Variants in TAAR9 observed in about 807,000 individuals in gnomAD.
TAAR9 encodes the protein trace amine associated receptor 9, also known as trace amine-associated receptor 9.
For synonymous variants in TAAR9, 162 were observed against 152.6 expected (o/e 1.06, Z -0.45); for missense variants, 453 against 409.4 (o/e 1.11, Z -0.92).
At chr6:132,538,566 T>G in exon 1 of TAAR9, 1 of 1,599,440 alleles carries the variant, frequency 6.3e-7, no homozygotes, top group Non-Finnish European at 8.5e-7. Flanking sequence ...CACAGTGAGG[T>G]CTGTGGAGAG....
rs1776253697 is a variant in TAAR9 at position 132,538,657 on chromosome 6, T to A, written c.368T>A (p.Leu123Ter). ...TTCTGTTTTGCTTCTTTATTTCATT[T>A]ATGCTGTATCTCTGTTGATAGATAC... Residue 123 changes from leucine to a stop codon, truncating the protein, a stop_gained, in exon 1 of 1, where the codon TTA becomes TAA. Coordinates refer to ENST00000434551, the Ensembl canonical transcript of TAAR9. LOFTEE classifies it low-confidence loss of function (END_TRUNC). 1 of 1,604,460 alleles carries A rather than the reference T, an allele frequency of 6.2e-7. No homozygotes were observed. Among genetic ancestry groups the A allele is most frequent in the Non-Finnish European group, 8.5e-7 (1 of 1,175,724 alleles).
rs982491118 is a variant in TAAR9, at chr6:132,539,123, A to G, written c.834A>G (p.Ala278=). The change falls in exon 1 of 1, where the codon GCA becomes GCG. Residue 278 remains alanine, a synonymous_variant. Coordinates refer to ENST00000434551, the Ensembl canonical transcript of TAAR9. ...CTTGGCTACCATACCTCGTTGATGC[A>G]GTGATTGATGCTTATATGAATTTTA... 7.0e-6 allele frequency: 11 copies of G among 1,564,664 alleles called. 1 individual carries two copies. The highest frequency in any genetic ancestry group is 6.9e-5 in the African/African-American group (5 of 72,930).
At chr6:132,539,290 A>T (rs765194558) in exon 1 of TAAR9, 1 of 1,612,468 alleles carries the variant, frequency 6.2e-7, no homozygotes, top group South Asian at 1.1e-5. Context: ...TTAAGGACTG[A>T]TTCGTCAACA....
exon 1 of TAAR9, chr6:132,538,724 T>C (rs775157610): frequency 1.2e-6 from 2 of 1,613,934 alleles, no homozygotes; most frequent in East Asian, 2.2e-5. Context: ...CCAAGTTTAC[T>C]GTGTCAGTTT....
At chr6:132,538,937 A>G (rs767218966) in exon 1 of TAAR9, 4 of 1,561,998 alleles carry the variant, frequency 2.6e-6, no homozygotes, top group Middle Eastern at 3.4e-4. Flanking sequence ...TGGTGTTTAT[A>G]TACAGTAAGA....
chr6:132,538,288 C>A, upstream of TAAR9: 1 of 1,567,162 alleles, frequency 6.4e-7, no homozygotes. Context: ...AACAAGAAAG[C>A]AATGGTGAAC....
At position 132,538,540 on chromosome 6, in the gene TAAR9, CTGTGATG is replaced by C. The variant is rs1776251877; in HGVS notation, c.252_258del (p.Val85ProfsTer5). 6.2e-7 allele frequency: 1 copy of C among 1,608,746 alleles called. No homozygotes were observed. Among genetic ancestry groups the C allele is most frequent in the Non-Finnish European group, 8.5e-7 (1 of 1,177,288 alleles). ...TGTGCTGACTTCTTGGTGGGAGTCA[CTGTGATG>C]CCCTTCAGCACAGTGAGGTCTGTGG... On this transcript the variant is annotated frameshift_variant, in exon 1 of 1. Transcript: ENST00000434551. LOFTEE classifies it low-confidence loss of function (END_TRUNC).
chr6:132,539,009 C>G (rs777416741), exon 1 of TAAR9: 3 of 1,530,664 alleles, frequency 2.0e-6, no homozygotes, highest in Non-Finnish European at 2.6e-6. Flanking sequence ...AAGCTCAGTC[C>G]TCCTCAGAGA....
exon 1 of TAAR9, chr6:132,538,414 G>A (rs1776249435): frequency 1.5e-5 from 25 of 1,613,582 alleles, no homozygotes; most frequent in Non-Finnish European, 2.1e-5. Context: ...CTTGGTTTTG[G>A]GGCTGTGCTG....
chr6:132,539,034 G>T, exon 1 of TAAR9: 1 of 1,529,020 alleles, frequency 6.5e-7, no homozygotes, highest in Non-Finnish European at 8.7e-7. Flanking sequence ...CAAGGAAAGA[G>T]TAGCAAAAAG....
chr6:132,539,032 G>C (rs1776259094), exon 1 of TAAR9: 1 of 1,528,722 alleles, frequency 6.5e-7, no homozygotes, highest in Admixed American at 2.2e-5. Flanking sequence ...TACAAGGAAA[G>C]AGTAGCAAAA....
chr6:132,539,329 C>A (rs1464582977), exon 1 of TAAR9: 1 of 1,601,224 alleles, frequency 6.2e-7, no homozygotes, highest in Non-Finnish European at 8.5e-7. Context: ...GAAGTAGAGA[C>A]AGATTAAAAA....
At chr6:132,539,001 G>A in exon 1 of TAAR9, 1 of 1,532,328 alleles carries the variant, frequency 6.5e-7, no homozygotes, top group Non-Finnish European at 8.7e-7. Context: ...AGCCAGCCAA[G>A]CTCAGTCCTC....
exon 1 of TAAR9, chr6:132,538,423 T>C (rs1218065306): frequency 6.2e-7 from 1 of 1,613,682 alleles, no homozygotes; most frequent in African/African-American, 1.3e-5. Context: ...GGGGCTGTGC[T>C]GGCAGCGTTT....
At chr6:132,539,336 A>G in exon 1 of TAAR9, 1 of 1,598,412 alleles carries the variant, frequency 6.3e-7, no homozygotes, top group Non-Finnish European at 8.5e-7. Flanking sequence ...AGACAGATTA[A>G]AAACATTACT....
exon 1 of TAAR9, chr6:132,538,646 T>C: frequency 6.3e-7 from 1 of 1,599,408 alleles, no homozygotes; most frequent in Non-Finnish European, 8.5e-7. Flanking sequence ...GTTTTGCTTC[T>C]TTATTTCATT....
At chr6:132,538,538 C>T (rs1776251819) in exon 1 of TAAR9, 1 of 1,609,430 alleles carries the variant, frequency 6.2e-7, no homozygotes, top group Non-Finnish European at 8.5e-7. Flanking sequence ...TGGTGGGAGT[C>T]ACTGTGATGC....
chr6:132,538,938 T>C, exon 1 of TAAR9: 5 of 1,562,308 alleles, frequency 3.2e-6, no homozygotes, highest in Non-Finnish European at 4.3e-6. Flanking sequence ...GGTGTTTATA[T>C]ACAGTAAGAT....
Position 132,538,812 on chromosome 6 carries a change from G to C in TAAR9, c.523G>C (p.Glu175Gln), listed in dbSNP as rs768492229. Residue 175 changes from glutamate (E) to glutamine (Q), a missense_variant, in exon 1 of 1, where the codon GAA (glutamate) becomes CAA (glutamine). Physicochemically the swap from Glu to Gln is conservative, Grantham distance 29 (BLOSUM62 2). Coordinates refer to ENST00000434551, the Ensembl canonical transcript of TAAR9. The stretch of plus-strand genomic sequence containing the variant: ...GATCTTTTACACGGGAGCCAACGAA[G>C]AAGGAATTGAGGAATTAGTAGTTGC... 4 of 1,613,918 alleles carry C rather than the reference G, an allele frequency of 2.5e-6. No individual in the cohort carries two copies. In the East Asian group the frequency reaches 8.9e-5, roughly 36 times the overall value.
Sources: gnomAD v4.1 joint callset for allele counts on GRCh38, gnomAD v4.1.1 for gene constraint, MANE v1.5 for transcripts, NCBI Gene and HGNC (gene_info 2026-07-23, HGNC 2026-07-21) for gene names.